The following MYO5A variants were observed in gnomAD, a reference collection of about 807,000 sequenced individuals.
MYO5A encodes myosin VA.
Under a neutral mutation model 249.7 loss-of-function variants are expected in MYO5A, and 98 were observed. That is an observed-to-expected ratio of 0.39 (90% confidence interval 0.33 to 0.46). The LOEUF is 0.46. Ranked by LOEUF, MYO5A falls within the 20% of genes least tolerant of loss-of-function variation. The pLI, the probability that MYO5A is intolerant of heterozygous loss-of-function variation, is 0.98. For synonymous variants in MYO5A, 778 were observed against 810.6 expected, an observed-to-expected ratio of 0.96 and a Z score of 0.68; for missense variants, 1,696 against 2,308.8, an observed-to-expected ratio of 0.73 and a Z score of 5.44.
At position 52,344,110 on chromosome 15, in the gene MYO5A, T is replaced by G. The variant is rs2039503386; in HGVS notation, c.3960-913A>C. On this transcript the variant is annotated intron_variant, in intron 30 of 41. Coordinates refer to ENST00000399233, the MANE Select transcript of MYO5A (RefSeq NM_001382347.1). ...AGTCCAGGTTCTTACTCCTGCTATA[T>G]TGTTGTTATGTTTACATAACCCAAA... 2.0e-5 allele frequency among the ~76,000 whole-genome samples: 3 copies of G among 152,318 alleles called. No individual in the cohort carries two copies. In the South Asian group the frequency reaches 6.2e-4, roughly 32 times the overall value.
intron 1 of MYO5A, among the ~76,000 whole-genome samples, chr15:52,496,084 A>G (rs1303158336): frequency 4.8e-5 from 4 of 83,950 alleles, no homozygotes; most frequent in Non-Finnish European, 7.5e-5. Flanking sequence ...TTTTAAAAAA[A>G]AGAGAAATGA....
chr15:52,395,921 C>T (rs1281137892), intron 11 of MYO5A, among the ~76,000 whole-genome samples: 1 of 152,220 alleles, frequency 6.6e-6, no homozygotes, highest in Non-Finnish European at 1.5e-5. Context: ...ATGTAAAATT[C>T]TGCTTTTTAG....
intron 1 of MYO5A, among the ~76,000 whole-genome samples, chr15:52,463,384 C>T (rs770162490): frequency 3.3e-5 from 5 of 151,796 alleles, no homozygotes; most frequent in South Asian, 2.1e-4. Context: ...TATTAAAAAA[C>T]GTCATCCATG....
chr15:52,328,098 G>C lies in MYO5A; in HGVS notation c.4556-92C>G. On this transcript the variant is annotated intron_variant, in intron 35 of 41. Transcript: ENST00000399233. ...ATAAAAACACAGTTGTCATGTAAGAGTTCAATCATTCAAGGTAAGTAGGTA... is the reference window on the plus strand; with the variant it reads ...ATAAAAACACAGTTGTCATGTAAGACTTCAATCATTCAAGGTAAGTAGGTA... 2.8e-6 allele frequency: 3 copies of C among 1,056,630 alleles called. No homozygotes were observed. The Admixed American group carries it at 5.8e-5, about 20-fold the overall frequency. The allele number at this position is 1,056,630 out of a possible 1,614,324, so 65.5% of individuals were successfully genotyped here. A position where few individuals can be genotyped will look rare whatever the true frequency, so the allele number is the denominator to read the frequency against.
intron 1 of MYO5A, among the ~76,000 whole-genome samples, chr15:52,453,475 T>C (rs1233183002): frequency 6.6e-6 from 1 of 151,602 alleles, no homozygotes; most frequent in Non-Finnish European, 1.5e-5. Flanking sequence ...AGCAAAACAC[T>C]AATGTGAAAA....
At chr15:52,466,988 C>T (rs8033212) in intron 1 of MYO5A, among the ~76,000 whole-genome samples, 142 of 152,294 alleles carry the variant, frequency 9.3e-4, no homozygotes, top group African/African-American at 3.1e-3. Context: ...AGAAAGCTAC[C>T]GCATTAAGGC....
At chr15:52,489,339 C>T (rs1186587407) in intron 1 of MYO5A, among the ~76,000 whole-genome samples, 3 of 151,284 alleles carry the variant, frequency 2.0e-5, no homozygotes, top group Admixed American at 6.6e-5. Context: ...CCGGGGCGGG[C>T]GGATCACGAG....
chr15:52,398,726 C>T (rs1280212349), intron 9 of MYO5A, among the ~76,000 whole-genome samples: 8 of 152,180 alleles, frequency 5.3e-5, no homozygotes, highest in East Asian at 1.9e-4. Context: ...TGGTGGCTCA[C>T]GCCTGTAATC....
chr15:52,362,241 T>TCC (rs2040569372), intron 24 of MYO5A, among the ~76,000 whole-genome samples: 1 of 152,184 alleles, frequency 6.6e-6, no homozygotes, highest in African/African-American at 2.4e-5. Flanking sequence ...GTGTATCAAG[T>TCC]CCCCTCCCTA....
At chr15:52,444,697 C>A (rs1017885864) in intron 1 of MYO5A, among the ~76,000 whole-genome samples, 4 of 152,198 alleles carry the variant, frequency 2.6e-5, no homozygotes, top group Non-Finnish European at 5.9e-5. Context: ...TCATTTTCAA[C>A]ACTTGTTCTC....
intron 1 of MYO5A, among the ~76,000 whole-genome samples, chr15:52,519,645 C>A (rs180758044): frequency 7.7e-4 from 116 of 150,694 alleles, no homozygotes; most frequent in Non-Finnish European, 1.1e-3. Flanking sequence ...AATAATAATA[C>A]ATGAAAAATC....
intron 23 of MYO5A, among the ~76,000 whole-genome samples, chr15:52,365,201 T>G (rs766034251): frequency 6.6e-6 from 1 of 152,234 alleles, no homozygotes; most frequent in Non-Finnish European, 1.5e-5. Flanking sequence ...CAGTTCTGTC[T>G]TACGTTTTCT....
intron 35 of MYO5A, among the ~76,000 whole-genome samples, chr15:52,328,414 T>C (rs2038711681): frequency 6.6e-6 from 1 of 152,216 alleles, no homozygotes; most frequent in Non-Finnish European, 1.5e-5. Flanking sequence ...AACCTCATCC[T>C]CATTTTTGAC....
At chr15:52,317,303 G>C (rs1349847527) in intron 39 of MYO5A, 81 bp from the exon 40 acceptor site, 1 of 1,372,862 alleles carries the variant, frequency 7.3e-7, no homozygotes, top group Non-Finnish European at 1.0e-6. Context: ...GTGCGGCCTT[G>C]TCAGGATTTA....
chr15:52,338,890 T>C (rs1046234766), intron 32 of MYO5A, among the ~76,000 whole-genome samples: 1 of 152,232 alleles, frequency 6.6e-6, no homozygotes, highest in African/African-American at 2.4e-5. Flanking sequence ...GCACAGAACT[T>C]GTATGCCAAT....
rs150047492 is a variant in MYO5A at position 52,513,727 on chromosome 15, G to A, written c.27+15053C>T. 3.9e-5 allele frequency among the ~76,000 whole-genome samples: 6 copies of A among 152,126 alleles called. No individual in the cohort carries two copies. In the East Asian group the frequency reaches 9.7e-4, roughly 25 times the overall value. On this transcript the variant is annotated intron_variant, in intron 1 of 41. Coordinates refer to ENST00000399233, the MANE Select transcript of MYO5A (RefSeq NM_001382347.1). ...ATTATAGGCATGAGCCACTGCGCCC[G>A]GCCAAGAATAAGTTAATTCTATAGC...
intron 37 of MYO5A, 53 bp downstream of exon 37, chr15:52,323,301 TA>T: frequency 6.7e-7 from 1 of 1,502,502 alleles, no homozygotes; most frequent in Non-Finnish European, 9.3e-7. Context: ...ATTTTTTCCT[TA>T]AAAAGGTCAG....
intron 1 of MYO5A, among the ~76,000 whole-genome samples, chr15:52,527,356 C>T (rs1339948943): frequency 2.6e-5 from 4 of 151,736 alleles, no homozygotes; most frequent in Admixed American, 6.6e-5. Flanking sequence ...TAATCAGTTT[C>T]CAATTGCATT....
intron 1 of MYO5A, among the ~76,000 whole-genome samples, chr15:52,466,395 G>A (rs1172168067): frequency 6.6e-6 from 1 of 152,190 alleles, no homozygotes; most frequent in African/African-American, 2.4e-5. Context: ...AGGAGGAGAA[G>A]TGCCAGAGAG....
Sources: allele counts gnomAD v4.1 joint callset (sites outside exome capture counted in the v4.1 genomes callset), GRCh38; gene constraint gnomAD v4.1.1; transcripts MANE v1.5; gene names NCBI Gene and HGNC (gene_info 2026-07-23, HGNC 2026-07-21).